The following BCL11B variants were observed in gnomAD, a reference collection of about 807,000 sequenced individuals.
The protein encoded by BCL11B is B-cell lymphoma/leukemia 11B.
BCL11B carries 8 observed loss-of-function variants against 49.9 expected under a neutral mutation model. The ratio of observed to expected loss-of-function variants is 0.16; its 90% confidence interval spans 0.09 to 0.29. The LOEUF (loss-of-function observed/expected upper bound fraction) is 0.29, where lower values mean the gene tolerates loss of function less well. Among genes scored for constraint, BCL11B ranks in the 10% least tolerant of loss-of-function variants. The pLI is 1.00. For synonymous variants in BCL11B, 739 were observed against 637.4 expected, an observed-to-expected ratio of 1.16 and a Z score of -2.40; for missense variants, 1,006 against 1,351.0, an observed-to-expected ratio of 0.74 and a Z score of 4.00.
In BCL11B at chr14:99,174,081, A is replaced by T. The variant is rs1886382339; in HGVS notation, c.*70T>A. 2.0e-6 allele frequency: 3 copies of T among 1,502,602 alleles called. No homozygotes were observed. The African/African-American group carries it at 4.1e-5, about 21-fold the overall frequency. 93.1% of individuals were successfully genotyped at this position (1,502,602 alleles called of 1,614,324 possible). On this transcript the variant is annotated 3_prime_UTR_variant, in exon 4 of 4. Transcript: ENST00000357195. ...GCGGGGTGGCGGTGACACGGAGGCA[A>T]GTCAGGTCAGCATTCTCTCGGTTGG...
rs1886493343 is a variant in BCL11B, at chr14:99,175,707, G to A, written c.1129C>T (p.Pro377Ser). 6.7e-7 allele frequency: 1 copy of A among 1,500,740 alleles called. No homozygotes were observed. The highest frequency in any genetic ancestry group is 1.9e-4 in the Middle Eastern group (1 of 5,376). The allele number at this position is 1,500,740 out of a possible 1,614,324, so 93.0% of individuals were successfully genotyped here. A position where few individuals can be genotyped will look rare whatever the true frequency, so the allele number is the denominator to read the frequency against. ...LRELAGNSST[P>S]PPVSPGRGNP... ...CCGCGGCCCGGGGACACGGGCGGCG[G>A]CGTGGAGCTGTTGCCCGCCAGCTCG... is the stretch of plus-strand genomic sequence containing the variant. Residue 377 changes from proline to serine, a missense_variant, in exon 4 of 4, where the codon CCG becomes TCG. By Grantham distance (74) the Pro-to-Ser change is moderately conservative (BLOSUM62 -1). Coordinates refer to ENST00000357195, the MANE Select transcript of BCL11B (RefSeq NM_138576.4).
At chr14:99,249,893 C>T (rs1439174703) in intron 2 of BCL11B, among the ~76,000 whole-genome samples, 1 of 151,938 alleles carries the variant, frequency 6.6e-6, no homozygotes, top group Admixed American at 6.6e-5. Context: ...TTTGGGAGGC[C>T]GAGGCGGGTG....
intron 3 of BCL11B, among the ~76,000 whole-genome samples, chr14:99,214,966 G>A (rs189947508): frequency 5.3e-5 from 8 of 152,160 alleles, no homozygotes; most frequent in African/African-American, 1.2e-4. Flanking sequence ...TGGGGGATGC[G>A]CCCACACCAC....
chr14:99,257,853 GAAGA>G lies in BCL11B; in HGVS notation c.59-18_59-15del. On this transcript the variant is annotated splice_polypyrimidine_tract_variant and intron_variant, in intron 1 of 3. Transcript: ENST00000357195. The surrounding 1 kb of genome is among the most constrained non-coding windows in gnomAD (Gnocchi z 6.2). ...GGTCAGCCTCTGCTGGAGACAGAAA[GAAGA>G]AAGGGAAGGGGCAGAGAAGATAGAG... The G allele has an allele frequency of 6.6e-7, 1 of 1,504,764 alleles. No homozygotes were observed. Among genetic ancestry groups the G allele is most frequent in the South Asian group, 1.4e-5 (1 of 72,968 alleles). 93.2% of individuals were successfully genotyped at this position (1,504,764 alleles called of 1,614,324 possible).
At chr14:99,240,403 C>T (rs1888627673) in intron 2 of BCL11B, among the ~76,000 whole-genome samples, 1 of 152,022 alleles carries the variant, frequency 6.6e-6, no homozygotes. Flanking sequence ...TCCTAATGGA[C>T]TTATAGAAGA....
chr14:99,233,975 C>T (rs1357847254), intron 2 of BCL11B, among the ~76,000 whole-genome samples: 1 of 152,136 alleles, frequency 6.6e-6, no homozygotes, highest in Non-Finnish European at 1.5e-5. Context: ...GAGAGGTTTC[C>T]ACACGGGGCA....
intron 2 of BCL11B, among the ~76,000 whole-genome samples, chr14:99,255,431 AAAAAC>A (rs1566831842): frequency 2.3e-4 from 26 of 111,394 alleles, no homozygotes; most frequent in African/African-American, 5.4e-4. Context: ...AAAAAAAAAA[AAAAAC>A]AGGGGGGCCA....
intron 3 of BCL11B, among the ~76,000 whole-genome samples, chr14:99,203,296 G>A (rs1415074168): frequency 2.0e-5 from 3 of 152,120 alleles, no homozygotes; most frequent in East Asian, 3.9e-4. Context: ...ATCAAAGAGG[G>A]AAATAACCCG....
In BCL11B at chr14:99,224,604, T is replaced by C. The variant is rs144188788; in HGVS notation, c.640+6741A>G. Among the ~76,000 whole-genome samples the C allele has an allele frequency of 3.6e-4, 55 of 152,216 alleles. 1 individual carries two copies. The highest frequency in any genetic ancestry group is 1.2e-3 in the African/African-American group (50 of 41,516). On this transcript the variant is annotated intron_variant, in intron 3 of 3. Coordinates refer to ENST00000357195, the MANE Select transcript of BCL11B (RefSeq NM_138576.4). ...CCGGCATCTCAGCTTTCTCCCTCCT[T>C]CCCTTCCCACCGGCCTTTTCCCTCT...
intron 3 of BCL11B, among the ~76,000 whole-genome samples, chr14:99,178,070 G>A (rs993414505): frequency 5.3e-5 from 8 of 152,138 alleles, no homozygotes; most frequent in African/African-American, 2.4e-5. Context: ...GTCACAGAAG[G>A]CTTCGTGCTG....
At position 99,176,191 on chromosome 14, in the gene BCL11B, T is replaced by G; in HGVS notation, c.645A>C (p.Lys215Asn). ...TGCAAATGTAGCTGGAAGGCTCATC[T>G]TTACCTGGGGAAACACACGGACAGA... Reference protein sequence around the residue: ...PFGCQCQLSGKDEPSSYICTT... With the variant: ...PFGCQCQLSGNDEPSSYICTT... The change falls in exon 4 of 4, where the codon AAA becomes AAC. Residue 215 changes from lysine to asparagine, a missense_variant. Physicochemically the swap from Lys to Asn is moderately conservative, Grantham distance 94. Around this residue, in one of 6 missense-constraint regions of BCL11B, gnomAD observed 411 missense variants for 542.2 expected, o/e 0.76. Coordinates refer to ENST00000357195, the MANE Select transcript of BCL11B (RefSeq NM_138576.4). 1 of 1,610,824 alleles carries G rather than the reference T, an allele frequency of 6.2e-7. No individual in the cohort carries two copies.
chr14:99,186,527 A>AG (rs1459738293), intron 3 of BCL11B, among the ~76,000 whole-genome samples: 1 of 152,234 alleles, frequency 6.6e-6, no homozygotes, highest in African/African-American at 2.4e-5. Flanking sequence ...CTCAAAAAAA[A>AG]GTGCATCATG....
At chr14:99,250,740 A>G (rs1174043088) in intron 2 of BCL11B, among the ~76,000 whole-genome samples, 3 of 152,008 alleles carry the variant, frequency 2.0e-5, no homozygotes, top group African/African-American at 7.2e-5. Flanking sequence ...GGTTAAGTTC[A>G]CCCCTTGGGA....
chr14:99,188,386 C>A lies in BCL11B; in HGVS notation c.641-12191G>T, dbSNP rs189744197. Reference sequence around the variant, plus strand: ...TTTCCCCCCAGTGGGGTTCAGAGACCATTACCCAGTCCCACAACCACTAAC... The same window carrying A: ...TTTCCCCCCAGTGGGGTTCAGAGACAATTACCCAGTCCCACAACCACTAAC... On this transcript the variant is annotated intron_variant, in intron 3 of 3. Coordinates refer to ENST00000357195, the MANE Select transcript of BCL11B (RefSeq NM_138576.4). Among the ~76,000 whole-genome samples the A allele has an allele frequency of 8.0e-3, 1,224 of 152,314 alleles. 18 individuals are homozygous for A. Among genetic ancestry groups the A allele is most frequent in the African/African-American group, 0.027 (1,119 of 41,568 alleles).
chr14:99,189,868 T>G (rs1286890119), intron 3 of BCL11B, among the ~76,000 whole-genome samples: 1 of 152,176 alleles, frequency 6.6e-6, no homozygotes, highest in Non-Finnish European at 1.5e-5. Context: ...TCGGGGACTA[T>G]GGGCACTAGG....
rs1460601996 is a variant in BCL11B, at chr14:99,171,130, G to A, written c.*3021C>T. On this transcript the variant is annotated 3_prime_UTR_variant, in exon 4 of 4. Coordinates refer to ENST00000357195, the MANE Select transcript of BCL11B (RefSeq NM_138576.4). ...ACTCAACACAAATAATTTCCCATCT[G>A]GTCTGCTGTGGCCACACCAAGGAGC... The A allele has an allele frequency of 4.4e-6, 1 of 228,532 alleles. No individual in the cohort carries two copies. The highest frequency in any genetic ancestry group is 8.7e-6 in the Non-Finnish European group (1 of 114,976). The allele number at this position is 228,532 out of a possible 1,614,324, so 14.2% of individuals were successfully genotyped here.
At chr14:99,244,642 T>G (rs1223778593) in intron 2 of BCL11B, among the ~76,000 whole-genome samples, 1 of 152,238 alleles carries the variant, frequency 6.6e-6, no homozygotes, top group Non-Finnish European at 1.5e-5. Context: ...GGACTGGCAG[T>G]AGCTTTGAGC....
intron 3 of BCL11B, among the ~76,000 whole-genome samples, chr14:99,201,416 T>C (rs574019847): frequency 6.6e-5 from 10 of 152,284 alleles, no homozygotes; most frequent in African/African-American, 2.2e-4. Flanking sequence ...GCTGTCATGA[T>C]CATCACCATC....
rs1032492701 is a variant in BCL11B at position 99,267,548 on chromosome 14, C to T, written c.58+3613G>A. ...TGCAGAAGGGAGAGGAACTTCACCC[C>T]CCCCCCACCAACTAACCAAAAAAAA... On this transcript the variant is annotated intron_variant, in intron 1 of 3. Transcript: ENST00000357195. 1.8e-3 allele frequency among the ~76,000 whole-genome samples: 246 copies of T among 138,282 alleles called. 2 individuals carry two copies. The highest frequency in any genetic ancestry group is 6.0e-3 in the African/African-American group (235 of 39,420). 90.7% of individuals were successfully genotyped at this position (138,282 alleles called of 152,430 possible). A position where few individuals can be genotyped will look rare whatever the true frequency, so the allele number is the denominator to read the frequency against.
Sources: gnomAD v4.1 joint callset for allele counts (sites outside exome capture counted in the v4.1 genomes callset) on GRCh38, gnomAD v4.1.1 for gene constraint, gnomAD v4.1.1 regional missense constraint, Gnocchi (gnomAD v3.1) non-coding constraint, MANE v1.5 for transcripts, NCBI Gene and HGNC (gene_info 2026-07-23, HGNC 2026-07-21) for gene names.